The following CLIC5 variants were observed in gnomAD, a reference collection of about 807,000 sequenced individuals.
CLIC5 encodes CLIC family member 5.
Under a neutral mutation model 24.7 loss-of-function variants are expected in CLIC5, and 20 were observed. The ratio of observed to expected loss-of-function variants is 0.81; its 90% CI spans 0.57 to 1.18. The LOEUF (loss-of-function observed/expected upper bound fraction) is 1.18. CLIC5 is among the 50% of genes most tolerant of loss of function. CLIC5 has a pLI of 0.00. For synonymous variants in CLIC5, 159 were observed against 135.6 expected (o/e 1.17, Z -1.20); for missense variants, 341 against 326.1 (o/e 1.05, Z -0.35).
At chr6:46,029,605 T>C (rs974081055) in intron 1 of CLIC5, among the ~76,000 whole-genome samples, 12 of 152,096 alleles carry the variant, frequency 7.9e-5, no homozygotes, top group South Asian at 4.1e-4. Flanking sequence ...AACTAATTCA[T>C]GATGACATAG....
At chr6:46,015,153 C>T (rs918957395) in intron 1 of CLIC5, among the ~76,000 whole-genome samples, 6 of 152,228 alleles carry the variant, frequency 3.9e-5, no homozygotes, top group African/African-American at 1.4e-4. Context: ...CATCCCGACA[C>T]CTGGAGACGT....
intron 2 of CLIC5, among the ~76,000 whole-genome samples, chr6:45,950,095 C>A (rs905185096): frequency 2.6e-5 from 4 of 152,156 alleles, no homozygotes; most frequent in African/African-American, 9.7e-5. Flanking sequence ...CCACAAACAC[C>A]AGGTAGGCTA....
intron 1 of CLIC5, among the ~76,000 whole-genome samples, chr6:46,044,222 C>A (rs1767893569): frequency 6.6e-6 from 1 of 152,128 alleles, no homozygotes; most frequent in Non-Finnish European, 1.5e-5. Context: ...GGGTTCCTTG[C>A]TCCAGTTGAG....
intron 1 of CLIC5, among the ~76,000 whole-genome samples, chr6:46,064,168 T>C (rs1387379386): frequency 6.6e-6 from 1 of 151,178 alleles, no homozygotes; most frequent in African/African-American, 2.4e-5. Context: ...GAAGAGAGAA[T>C]TGACAATAAA....
intron 1 of CLIC5, among the ~76,000 whole-genome samples, chr6:46,052,489 T>G (rs1257418364): frequency 1.3e-5 from 2 of 152,226 alleles, no homozygotes; most frequent in Non-Finnish European, 2.9e-5. Context: ...AGGAAAATGT[T>G]GAGAGATAAT....
intron 2 of CLIC5, among the ~76,000 whole-genome samples, chr6:45,954,791 C>T (rs545722950): frequency 6.6e-6 from 1 of 152,326 alleles, no homozygotes; most frequent in Admixed American, 6.5e-5. Flanking sequence ...TGCTAGGGTC[C>T]CACGGATGAT....
chr6:45,974,061 G>A (rs148860341), intron 1 of CLIC5, among the ~76,000 whole-genome samples: 88 of 152,226 alleles, frequency 5.8e-4, no homozygotes, highest in African/African-American at 2.0e-3. Flanking sequence ...GGAGAAAAAG[G>A]CAAATGACAA....
Position 45,974,520 on chromosome 6 carries a change from TATAGAGAGAGAG to T in CLIC5, c.64-19288_64-19277del, listed in dbSNP as rs1349962878. Among the ~76,000 whole-genome samples the T allele has an allele frequency of 5.9e-3, 395 of 66,924 alleles. 1 individual carries two copies. Among genetic ancestry groups the T allele is most frequent in the African/African-American group, 7.2e-3 (111 of 15,472 alleles). The allele number at this position is 66,924 out of a possible 152,430, so 43.9% of individuals were successfully genotyped here. On this transcript the variant is annotated intron_variant, in intron 1 of 5. Coordinates refer to ENST00000339561, the MANE Select transcript of CLIC5 (RefSeq NM_016929.5). ...GTGTATATATATATATATATATATATATAGAGAGAGAGAGAGAGAGAGAGAGAGAGAGAGAGA... is the reference window on the plus strand; with the variant it reads ...GTGTATATATATATATATATATATATAGAGAGAGAGAGAGAGAGAGAGAGA...
rs58085331 is a variant in CLIC5, at chr6:45,973,928, CA to C, written c.64-18685del. ...CTGGCAACAGAGCAAGACTCCATCT[CA>C]AAAAAAAAAAAAGCAGAATAGTTGA... On this transcript the variant is annotated intron_variant, in intron 1 of 5. Transcript: ENST00000339561. Among the ~76,000 whole-genome samples the C allele has an allele frequency of 2.2e-3, 300 of 133,886 alleles. 1 individual carries two copies. The highest frequency in any genetic ancestry group is 3.6e-3 in the African/African-American group (135 of 37,212). 87.8% of individuals were successfully genotyped at this position (133,886 alleles called of 152,430 possible). A position where few individuals can be genotyped will look rare whatever the true frequency, so the allele number is the denominator to read the frequency against.
chr6:46,075,031 T>G (rs1298538761), intron 1 of CLIC5, among the ~76,000 whole-genome samples: 1 of 152,270 alleles, frequency 6.6e-6, no homozygotes, highest in Non-Finnish European at 1.5e-5. Flanking sequence ...ATTTCCTGAA[T>G]GGTTCCAATT....
At chr6:46,055,941 G>C (rs1334305531) in intron 1 of CLIC5, among the ~76,000 whole-genome samples, 3 of 152,160 alleles carry the variant, frequency 2.0e-5, no homozygotes, top group African/African-American at 7.2e-5. Flanking sequence ...AGAGGTGAAT[G>C]GGGAGTGACT....
downstream of CLIC5, among the ~76,000 whole-genome samples, chr6:45,894,955 T>G (rs1412244677): frequency 6.6e-6 from 1 of 152,092 alleles, no homozygotes; most frequent in Non-Finnish European, 1.5e-5. Flanking sequence ...AAAAATATAT[T>G]TGGCCCCAGA....
intron 1 of CLIC5, among the ~76,000 whole-genome samples, chr6:46,007,848 G>A (rs77627062): frequency 0.059 from 8,867 of 150,202 alleles, 403 homozygotes; most frequent in African/African-American, 0.13. Flanking sequence ...CAACCAGTGC[G>A]TGGCAGACCT....
chr6:46,031,786 ATGT>A (rs1022597149), intron 1 of CLIC5, among the ~76,000 whole-genome samples: 3 of 151,506 alleles, frequency 2.0e-5, no homozygotes, highest in Non-Finnish European at 2.9e-5. Context: ...AGCCCTTGAT[ATGT>A]TGTTAAGTGA....
chr6:46,034,416 G>T (rs1164929117), intron 1 of CLIC5, among the ~76,000 whole-genome samples: 1 of 152,160 alleles, frequency 6.6e-6, no homozygotes, highest in East Asian at 1.9e-4. Context: ...GGTGCTTCAG[G>T]CTGAGATGTT....
chr6:46,023,159 C>T (rs138592668), intron 1 of CLIC5, among the ~76,000 whole-genome samples: 1,526 of 152,264 alleles, frequency 0.01, 7 homozygotes, highest in Non-Finnish European at 0.016. Context: ...ATGGACATTA[C>T]AGTGTGGAGT....
chr6:46,089,566 T>C, the CLIC5 span, among the ~76,000 whole-genome samples: 1 of 152,136 alleles, frequency 6.6e-6, no homozygotes, highest in East Asian at 1.9e-4. Context: ...GTGGGAGGGG[T>C]AGAATTTGCT....
At chr6:46,121,547 C>T in the CLIC5 span, among the ~76,000 whole-genome samples, 20,179 of 152,156 alleles carry the variant, frequency 0.13, 1,792 homozygotes, top group South Asian at 0.32. Flanking sequence ...AACCAGCTAA[C>T]ATCATAATGA....
the CLIC5 span, among the ~76,000 whole-genome samples, chr6:46,123,319 C>G: frequency 1.3e-5 from 2 of 152,128 alleles, no homozygotes; most frequent in East Asian, 1.9e-4. Flanking sequence ...TTAACAGAAC[C>G]AAAGACAAAA....
Sources: gnomAD v4.1 joint callset for allele counts (sites outside exome capture counted in the v4.1 genomes callset) on GRCh38, gnomAD v4.1.1 for gene constraint, MANE v1.5 for transcripts, NCBI Gene and HGNC (gene_info 2026-07-23, HGNC 2026-07-21) for gene names.